The following GGT7 variants were observed in gnomAD, a reference collection of about 807,000 sequenced individuals.
The protein encoded by GGT7 is gamma-glutamyltransferase 7.
GGT7 carries 30 observed loss-of-function variants against 69.2 expected under a neutral mutation model. The observed-to-expected ratio is 0.43, with a 90% CI of 0.32 to 0.59. The LOEUF (loss-of-function observed/expected upper bound fraction) is 0.59. GGT7 is among the 20% of genes least tolerant of loss of function. The pLI, the probability that GGT7 is intolerant of heterozygous loss-of-function variation, is 0.05. For synonymous variants in GGT7, 388 were observed against 391.8 expected (o/e 0.99, Z 0.12); for missense variants, 733 against 901.1 (o/e 0.81, Z 2.39).
At chr20:34,851,895 AG>A (rs1245865850) in intron 12 of GGT7, among the ~76,000 whole-genome samples, 3 of 152,256 alleles carry the variant, frequency 2.0e-5, no homozygotes, top group Admixed American at 2.0e-4. Flanking sequence ...CTCATTGTAC[AG>A]GTGAAGAAAT....
chr20:34,852,607 G>A, intron 10 of GGT7, 69 bp from the exon 11 acceptor site: 2 of 1,411,944 alleles, frequency 1.4e-6, no homozygotes, highest in Non-Finnish European at 1.9e-6. Context: ...CCTCACTTTT[G>A]TGGTGTTTGT....
chr20:34,850,630 T>G (rs571484814), intron 13 of GGT7, among the ~76,000 whole-genome samples: 1 of 152,208 alleles, frequency 6.6e-6, no homozygotes, highest in African/African-American at 2.4e-5. Flanking sequence ...TCTTTAAATG[T>G]TAGCTATTGT....
chr20:34,850,170 C>T (rs199921085), intron 13 of GGT7, 110 bp from the exon 14 acceptor site: 151 of 819,556 alleles, frequency 1.8e-4, no homozygotes, highest in Non-Finnish European at 2.7e-4. Flanking sequence ...ATTCTTACAC[C>T]GGGTGTCATC....
chr20:34,858,303 AGAGG>A (rs1363796441), intron 7 of GGT7, among the ~76,000 whole-genome samples: 1 of 152,242 alleles, frequency 6.6e-6, no homozygotes, highest in Non-Finnish European at 1.5e-5. Context: ...AGAAAGAGAA[AGAGG>A]GAGAGCAAAT....
intron 3 of GGT7, among the ~76,000 whole-genome samples, chr20:34,861,936 C>A (rs11698996): frequency 6.6e-6 from 1 of 152,020 alleles, no homozygotes; most frequent in Non-Finnish European, 1.5e-5. Flanking sequence ...TTGCCCCTCC[C>A]CCAGGACTGG....
At chr20:34,853,579 A>G (rs888761556) in intron 10 of GGT7, among the ~76,000 whole-genome samples, 1 of 145,854 alleles carries the variant, frequency 6.9e-6, no homozygotes, top group Admixed American at 6.8e-5. Context: ...AAAAAAAAAA[A>G]TTCAACTGAG....
chr20:34,867,240 G>T (rs1009559109), intron 1 of GGT7, among the ~76,000 whole-genome samples: 1 of 152,188 alleles, frequency 6.6e-6, no homozygotes, highest in Admixed American at 6.5e-5. Context: ...AGTTTCAAAA[G>T]AAGTGTGGGA....
At chr20:34,852,573 C>T (rs1838589800) in intron 10 of GGT7, 35 bp from the exon 11 acceptor site, 2 of 1,545,670 alleles carry the variant, frequency 1.3e-6, no homozygotes, top group African/African-American at 1.4e-5. Flanking sequence ...GAGCAAACAA[C>T]AGGCTCTCAA....
chr20:34,850,091 G>A (rs759672583), intron 13 of GGT7, 31 bp from the exon 14 acceptor site: 214 of 1,434,052 alleles, frequency 1.5e-4, no homozygotes, highest in Non-Finnish European at 2.0e-4. Context: ...AAAAATCAGG[G>A]CTGTCCCAGG....
rs138167359 is a variant in GGT7 at position 34,862,878 on chromosome 20, C to T, written c.493G>A (p.Asp165Asn). 6.2e-7 allele frequency: 1 copy of T among 1,614,058 alleles called. No homozygotes were observed. Among genetic ancestry groups the T allele is most frequent in the Non-Finnish European group, 8.5e-7 (1 of 1,180,034 alleles). Residue 165 changes from aspartate (D) to asparagine (N), a missense_variant, in exon 3 of 15, where the codon GAC becomes AAC. Asp to Asn is a conservative substitution (Grantham distance 23, BLOSUM62 1). Transcript: ENST00000336431. ...CACAAGGCTGCTGCCACCGCTGCGT[C>T]CACAGAAGATCCCTGTTTACTGAGC... ...EVLSKQGSSV[D>N]AAVAAALCLG...
Position 34,863,038 on chromosome 20 carries a change from A to G in GGT7, c.406-73T>C. On this transcript the variant is annotated intron_variant, in intron 2 of 14. Transcript: ENST00000336431. The surrounding 1 kb of genome is among the most constrained non-coding windows in gnomAD (Gnocchi z 4.4). The stretch of plus-strand genomic sequence containing the variant: ...TCCCTAGGGCACCTCCACTAGCCCT[A>G]GAACTCTACGCGGCATGAAGGTCGA... The G allele has an allele frequency of 6.9e-7, 1 of 1,446,214 alleles. No individual in the cohort carries two copies. The allele number at this position is 1,446,214 out of a possible 1,614,324, so 89.6% of individuals were successfully genotyped here.
intron 14 of GGT7, among the ~76,000 whole-genome samples, chr20:34,849,246 T>C (rs893287784): frequency 2.6e-5 from 4 of 151,124 alleles, no homozygotes; most frequent in Non-Finnish European, 4.4e-5. Flanking sequence ...CACTGTAACC[T>C]CTGCCTCCCT....
chr20:34,853,340 G>GGTGT lies in GGT7; in HGVS notation c.1320-806_1320-803dup, dbSNP rs10527077. ...GAACTGGTTGAATAGATTTCATATA[G>GGTGT]GTGTGTGTGTGTGTGTGTGTGTGTG... On this transcript the variant is annotated intron_variant, in intron 10 of 14. Transcript: ENST00000336431. 9.7e-3 allele frequency among the ~76,000 whole-genome samples: 1,427 copies of GGTGT among 147,408 alleles called. 9 individuals carry two copies. Among genetic ancestry groups the GGTGT allele is most frequent in the East Asian group, 0.02 (97 of 4,928 alleles).
At chr20:34,872,563 G>C (rs11697978) in intron 1 of GGT7, 84 bp downstream of exon 1, 207,844 of 893,478 alleles carry the variant, frequency 0.23, 25,373 homozygotes, top group South Asian at 0.37. Context: ...TAAGGAGATG[G>C]AGCTGGAGGT....
At chr20:34,869,303 G>T (rs138536981) in intron 1 of GGT7, among the ~76,000 whole-genome samples, 2,605 of 152,104 alleles carry the variant, frequency 0.017, 87 homozygotes, top group African/African-American at 0.059. Context: ...GAGTAGCTGG[G>T]ACTACAGACA....
intron 10 of GGT7, among the ~76,000 whole-genome samples, chr20:34,854,245 G>C (rs150743338): frequency 6.6e-6 from 1 of 152,094 alleles, no homozygotes; most frequent in Non-Finnish European, 1.5e-5. Context: ...CTTTTGTTTG[G>C]TATTGAGCTT....
At chr20:34,846,312 C>CTTTCTTTCTTTCTTTCT (rs149165215) in intron 14 of GGT7, among the ~76,000 whole-genome samples, 1 of 119,308 alleles carries the variant, frequency 8.4e-6, no homozygotes, top group Non-Finnish European at 1.8e-5. Context: ...TTCTTTCTTT[C>CTTTCTTTCTTTCTTTCT]TTTTTTTTGA....
chr20:34,860,871 T>C (rs917054273), intron 4 of GGT7, among the ~76,000 whole-genome samples: 3 of 152,094 alleles, frequency 2.0e-5, no homozygotes, highest in Non-Finnish European at 2.9e-5. Context: ...TCCCAGAGTG[T>C]TGGGATTACA....
Position 34,863,060 on chromosome 20 carries a change from T to G in GGT7, c.406-95A>C. 2.4e-6 allele frequency: 3 copies of G among 1,228,896 alleles called. No individual in the cohort carries two copies. The highest frequency in any genetic ancestry group is 3.4e-6 in the Non-Finnish European group (3 of 876,218). 76.1% of individuals were successfully genotyped at this position (1,228,896 alleles called of 1,614,324 possible). On this transcript the variant is annotated intron_variant, in intron 2 of 14. Transcript: ENST00000336431. The surrounding 1 kb of genome is among the most constrained non-coding windows in gnomAD (Gnocchi z 4.4). ...CCTAGAACTCTACGCGGCATGAAGG[T>G]CGAAGCCCTGCCCCCTTGTTGCCTT... is the stretch of plus-strand genomic sequence containing the variant.
Sources: allele counts gnomAD v4.1 joint callset (sites outside exome capture counted in the v4.1 genomes callset), GRCh38; gene constraint gnomAD v4.1.1; non-coding constraint Gnocchi (gnomAD v3.1); transcripts MANE v1.5; gene names NCBI Gene and HGNC (gene_info 2026-07-23, HGNC 2026-07-21).